CACNA1D: variants seen among roughly 807,000 people sequenced by gnomAD.
The protein encoded by CACNA1D is voltage-dependent L-type calcium channel subunit alpha-1D.
CACNA1D carries 55 observed loss-of-function variants against 257.1 expected under a neutral mutation model. The ratio of observed to expected loss-of-function variants is 0.21; its 90% CI spans 0.17 to 0.27. The LOEUF is 0.27. CACNA1D is among the 10% of genes least tolerant of loss of function. CACNA1D has a pLI of 1.00. For synonymous variants in CACNA1D, 980 were observed against 1,014.9 expected (o/e 0.97, Z 0.65); for missense variants, 1,876 against 2,784.0 (o/e 0.67, Z 7.34).
intron 3 of CACNA1D, among the ~76,000 whole-genome samples, chr3:53,595,810 TCTTC>T (rs2093362718): frequency 6.6e-6 from 1 of 152,190 alleles, no homozygotes; most frequent in Non-Finnish European, 1.5e-5. Context: ...TACAGTCTAG[TCTTC>T]ATGAGGACAT....
At chr3:53,701,643 G>A (rs1159387005) in intron 8 of CACNA1D, among the ~76,000 whole-genome samples, 1 of 152,204 alleles carries the variant, frequency 6.6e-6, no homozygotes, top group East Asian at 1.9e-4. Context: ...TGCTTCCTTG[G>A]CAGCTTTTTA....
At position 53,593,654 on chromosome 3, in the gene CACNA1D, A is replaced by C. The variant is rs142501193; in HGVS notation, c.484-57125A>C. 1.4e-4 allele frequency among the ~76,000 whole-genome samples: 21 copies of C among 152,260 alleles called. No individual in the cohort carries two copies. In the East Asian group the frequency reaches 4.1e-3, roughly 29 times the overall value. ...TGTTGAAGTCATGAGCAGGTGCAGG[A>C]GAGGTGAAAGGAAAGGGCAGTGGGT... On this transcript the variant is annotated intron_variant, in intron 3 of 47. Coordinates refer to ENST00000350061, the MANE Select transcript of CACNA1D (RefSeq NM_001128840.3).
At chr3:53,623,640 A>G (rs374200471) in intron 3 of CACNA1D, among the ~76,000 whole-genome samples, 1 of 149,792 alleles carries the variant, frequency 6.7e-6, no homozygotes, top group African/African-American at 2.4e-5. Flanking sequence ...TATTTTGTTT[A>G]TCTTCTTTAA....
chr3:53,555,482 T>C (rs1465117855), intron 3 of CACNA1D, among the ~76,000 whole-genome samples: 14 of 142,538 alleles, frequency 9.8e-5, no homozygotes, highest in East Asian at 8.0e-4. Flanking sequence ...TTTTTTTTTT[T>C]CTGAGGTACT....
At chr3:53,558,787 AT>A (rs1356273270) in intron 3 of CACNA1D, among the ~76,000 whole-genome samples, 1 of 151,774 alleles carries the variant, frequency 6.6e-6, no homozygotes, top group East Asian at 1.9e-4. Context: ...TATTTTCAAG[AT>A]TTTTTTCATT....
intron 3 of CACNA1D, among the ~76,000 whole-genome samples, chr3:53,555,290 T>C (rs1307951292): frequency 1.3e-5 from 2 of 152,064 alleles, no homozygotes; most frequent in Non-Finnish European, 2.9e-5. Flanking sequence ...CTGTGGAAAA[T>C]ATTGAGCATT....
intron 3 of CACNA1D, among the ~76,000 whole-genome samples, chr3:53,633,011 C>T (rs553653618): frequency 3.9e-5 from 6 of 152,242 alleles, no homozygotes; most frequent in Admixed American, 6.5e-5. Context: ...CCAATAGACC[C>T]GCTTGTTGCA....
chr3:53,675,228 T>C (rs1240845091), intron 8 of CACNA1D, among the ~76,000 whole-genome samples: 3 of 152,188 alleles, frequency 2.0e-5, no homozygotes, highest in Non-Finnish European at 2.9e-5. Flanking sequence ...CTGAGCCGCC[T>C]CCTGTAGATG....
intron 3 of CACNA1D, among the ~76,000 whole-genome samples, chr3:53,542,984 G>A (rs1200093479): frequency 2.6e-5 from 4 of 151,122 alleles, no homozygotes; most frequent in Admixed American, 6.6e-5. Context: ...CCCGGGAGGC[G>A]GAGGTTGTAG....
chr3:53,685,380 T>G (rs995124760), intron 8 of CACNA1D, among the ~76,000 whole-genome samples: 23 of 151,230 alleles, frequency 1.5e-4, no homozygotes, highest in Non-Finnish European at 3.1e-4. Flanking sequence ...AGATGAAAAT[T>G]TGTATCATTC....
intron 3 of CACNA1D, among the ~76,000 whole-genome samples, chr3:53,629,882 A>G (rs2093803126): frequency 1.3e-5 from 2 of 152,306 alleles, no homozygotes; most frequent in East Asian, 1.9e-4. Context: ...TACATATTGC[A>G]TTGCTGACTG....
rs766477598 is a variant in CACNA1D, at chr3:53,723,546, C to T, written c.1779C>T (p.Phe593=). The change falls in exon 13 of 48, where the codon TTC becomes TTT. Residue 593 remains phenylalanine, a synonymous_variant. Transcript: ENST00000350061. This position sits in a 1 kb window ranked among gnomAD's most constrained non-coding sequence, Gnocchi z 5.6. The part of the protein sequence containing the change: ...FVSLFNRFDC[F]VVCGGITETI... ...CTCTTTTCAACCGGTTTGATTGCTT[C>T]GTGGTGTGTGGTGGAATCACTGAGA... 9.3e-6 allele frequency: 15 copies of T among 1,613,804 alleles called. No individual in the cohort carries two copies. In the Admixed American group the frequency reaches 1.8e-4, roughly 20 times the overall value.
chr3:53,700,093 T>G (rs1397396886), intron 8 of CACNA1D, among the ~76,000 whole-genome samples: 3 of 148,084 alleles, frequency 2.0e-5, no homozygotes, highest in Non-Finnish European at 4.5e-5. Context: ...AAAAATAAAA[T>G]ATAATTATAT....
chr3:53,621,331 G>A (rs991854333), intron 3 of CACNA1D, among the ~76,000 whole-genome samples: 2 of 152,086 alleles, frequency 1.3e-5, no homozygotes, highest in African/African-American at 4.8e-5. Flanking sequence ...CCAGTGCTAA[G>A]CCTGGGCGAG....
At chr3:53,708,039 C>A (rs1260402725) in intron 9 of CACNA1D, among the ~76,000 whole-genome samples, 1 of 152,226 alleles carries the variant, frequency 6.6e-6, no homozygotes, top group African/African-American at 2.4e-5. Context: ...CCCTGCCTGC[C>A]CGGGGACTCT....
Position 53,660,035 on chromosome 3 carries a change from C to T in CACNA1D, c.624-98C>T, listed in dbSNP as rs1052303798. 1.7e-5 allele frequency: 18 copies of T among 1,085,016 alleles called. No individual in the cohort carries two copies. In the South Asian group the frequency reaches 2.0e-4, roughly 12 times the overall value. 67.2% of individuals were successfully genotyped at this position (1,085,016 alleles called of 1,614,324 possible). A position where few individuals can be genotyped will look rare whatever the true frequency, so the allele number is the denominator to read the frequency against. The stretch of plus-strand genomic sequence containing the variant: ...TCCTTTTATTTAAGCAGCAGCCACA[C>T]AGAATTAGCCCTTTTCAAAAATAAA... On this transcript the variant is annotated intron_variant, in intron 4 of 47. Coordinates refer to ENST00000350061, the MANE Select transcript of CACNA1D (RefSeq NM_001128840.3).
At chr3:53,691,578 T>G (rs1032386960) in intron 8 of CACNA1D, among the ~76,000 whole-genome samples, 3 of 149,254 alleles carry the variant, frequency 2.0e-5, no homozygotes, top group African/African-American at 7.4e-5. Flanking sequence ...AGCTCTTCTA[T>G]CCTCAAACAA....
chr3:53,558,882 C>T (rs943078544), intron 3 of CACNA1D, among the ~76,000 whole-genome samples: 2 of 152,122 alleles, frequency 1.3e-5, no homozygotes, highest in Non-Finnish European at 2.9e-5. Flanking sequence ...TGCTGAGCTT[C>T]TTGCAGTGGT....
intron 3 of CACNA1D, among the ~76,000 whole-genome samples, chr3:53,552,836 A>C (rs2092563092): frequency 6.6e-6 from 1 of 152,236 alleles, no homozygotes; most frequent in African/African-American, 2.4e-5. Context: ...TACTATTCTT[A>C]AGGATTTCCT....
Sources: gnomAD v4.1 joint callset for allele counts (sites outside exome capture counted in the v4.1 genomes callset) on GRCh38, gnomAD v4.1.1 for gene constraint, Gnocchi (gnomAD v3.1) non-coding constraint, MANE v1.5 for transcripts, NCBI Gene and HGNC (gene_info 2026-07-23, HGNC 2026-07-21) for gene names.